ABI2: variants seen among roughly 807,000 people sequenced by gnomAD.
ABI2 encodes abl interactor 2.
ABI2 carries 25 observed loss-of-function variants against 59.2 expected under a neutral mutation model. The observed-to-expected ratio is 0.42, with a 90% CI of 0.31 to 0.59. The LOEUF (loss-of-function observed/expected upper bound fraction) is 0.59, where lower values mean the gene tolerates loss of function less well. Ranked by LOEUF, ABI2 falls within the 20% of genes least tolerant of loss-of-function variation. The pLI is 0.14. For synonymous variants in ABI2, 213 were observed against 235.5 expected, an observed-to-expected ratio of 0.90 and a Z score of 0.87; for missense variants, 545 against 681.8, an observed-to-expected ratio of 0.80 and a Z score of 2.23.
chr2:203,345,701 G>A (rs1389446460), intron 1 of ABI2, among the ~76,000 whole-genome samples: 1 of 151,558 alleles, frequency 6.6e-6, no homozygotes, highest in African/African-American at 2.4e-5. Flanking sequence ...GAGCCACCAC[G>A]CCCAGCCCTA....
At chr2:203,387,659 TAAC>T (rs1205343539) in intron 4 of ABI2, among the ~76,000 whole-genome samples, 2 of 152,212 alleles carry the variant, frequency 1.3e-5, no homozygotes, top group African/African-American at 2.4e-5. Flanking sequence ...AAAAAATACA[TAAC>T]AAAATTATGA....
At chr2:203,355,840 A>C (rs893087821) in intron 1 of ABI2, among the ~76,000 whole-genome samples, 6 of 151,160 alleles carry the variant, frequency 4.0e-5, no homozygotes, top group East Asian at 1.9e-4. Flanking sequence ...AAAAAAAAAA[A>C]AAAAAAAAAA....
intron 11 of ABI2, 141 bp downstream of exon 11, chr2:203,417,222 G>T: frequency 1.3e-6 from 1 of 758,246 alleles, no homozygotes; most frequent in Non-Finnish European, 1.9e-6. Flanking sequence ...AGTTTACAAG[G>T]TTCATGATTT....
At chr2:203,387,542 G>T (rs890759342) in intron 4 of ABI2, among the ~76,000 whole-genome samples, 3 of 152,076 alleles carry the variant, frequency 2.0e-5, no homozygotes, top group Non-Finnish European at 4.4e-5. Context: ...CTTCTGTTTT[G>T]GAGGTTTCTG....
chr2:203,340,216 G>A (rs2079045760), intron 1 of ABI2, among the ~76,000 whole-genome samples: 1 of 152,142 alleles, frequency 6.6e-6, no homozygotes, highest in African/African-American at 2.4e-5. Flanking sequence ...TTCTATTATC[G>A]GCCAAGGGCC....
At chr2:203,370,186 T>TTCTCTCTCTCTCTCTCTCTCTC (rs71007509) in intron 2 of ABI2, among the ~76,000 whole-genome samples, 8 of 136,680 alleles carry the variant, frequency 5.9e-5, no homozygotes, top group Admixed American at 3.7e-4. Flanking sequence ...CATTCTCCTA[T>TTCTCTCTCTCTCTCTCTCTCTC]TCTCTCTCTC....
At position 203,431,723 on chromosome 2, in the gene ABI2, C is replaced by T. The variant is rs1039247893; in HGVS notation, c.*4371C>T. 6.6e-5 allele frequency: 10 copies of T among 150,702 alleles called. No homozygotes were observed. The highest frequency in any genetic ancestry group is 3.9e-4 in the East Asian group (2 of 5,148). The allele number at this position is 150,702 out of a possible 1,614,324, so 9.3% of individuals were successfully genotyped here. ...AAAAAAAAAAACAATTAAAACGAAA[C>T]GGCGGGGCCTAGCTGTGTATAAATG... On this transcript the variant is annotated 3_prime_UTR_variant, in exon 12 of 12. Transcript: ENST00000261018.
intron 8 of ABI2, 94 bp downstream of exon 8, chr2:203,397,061 T>C: frequency 7.8e-7 from 1 of 1,276,554 alleles, no homozygotes; most frequent in Non-Finnish European, 9.9e-7. Context: ...GGTTTTGTTG[T>C]ACTTCGTATT....
intron 1 of ABI2, among the ~76,000 whole-genome samples, chr2:203,330,475 G>T (rs967085593): frequency 6.6e-6 from 1 of 151,972 alleles, no homozygotes; most frequent in South Asian, 2.1e-4. Context: ...TGTGTGAGGG[G>T]TGGATGGTAC....
At chr2:203,407,905 A>G (rs1175399652) in intron 9 of ABI2, among the ~76,000 whole-genome samples, 3 of 152,216 alleles carry the variant, frequency 2.0e-5, no homozygotes, top group Admixed American at 6.5e-5. Flanking sequence ...GAAAGACAGT[A>G]TATTCTGGCT....
chr2:203,338,928 G>A (rs111703384), intron 1 of ABI2, among the ~76,000 whole-genome samples: 821 of 4,228 alleles, frequency 0.19, 142 homozygotes, highest in Non-Finnish European at 0.3. Flanking sequence ...GTGTGTGTGT[G>A]TATATGTATA....
At chr2:203,351,144 T>G (rs2088053966) in intron 1 of ABI2, among the ~76,000 whole-genome samples, 1 of 152,194 alleles carries the variant, frequency 6.6e-6, no homozygotes, top group African/African-American at 2.4e-5. Flanking sequence ...GGCATCTTCG[T>G]CAAAAATTAC....
chr2:203,380,317 G>T lies in ABI2; in HGVS notation c.395G>T (p.Arg132Leu). ...HKIIAPANLE[R>L]PVRYIRKPID... ...ATTATTGCTCCAGCCAACCTTGAAC[G>T]ACCAGTTCGTTATATTAGAAAACCT... Residue 132 changes from arginine (R) to leucine (L), a missense_variant, in exon 3 of 12, where the codon CGA (arginine) becomes CTA (leucine). Coordinates refer to ENST00000261018, the MANE Select transcript of ABI2 (RefSeq NM_001375670.1). 6.2e-7 allele frequency: 1 copy of T among 1,607,444 alleles called. No individual in the cohort carries two copies. Among genetic ancestry groups the T allele is most frequent in the South Asian group, 1.1e-5 (1 of 89,490 alleles).
intron 3 of ABI2, among the ~76,000 whole-genome samples, chr2:203,381,090 G>C (rs991135749): frequency 1.3e-5 from 2 of 152,012 alleles, no homozygotes; most frequent in African/African-American, 4.8e-5. Flanking sequence ...TAATGATACT[G>C]TACAGTTCAT....
In ABI2 at chr2:203,383,073, A is replaced by AT. The variant is rs529010856; in HGVS notation, c.480+876dup. Among the ~76,000 whole-genome samples the AT allele has an allele frequency of 5.7e-4, 87 of 151,670 alleles. 1 individual carries two copies. The Middle Eastern group carries it at 0.01, about 18-fold the overall frequency. ...AAACTTAGCATGCATTTCTTCTTTG[A>AT]TTTTTTTTTGTAGGTGAGTTTTATA... On this transcript the variant is annotated intron_variant, in intron 4 of 11. Coordinates refer to ENST00000261018, the MANE Select transcript of ABI2 (RefSeq NM_001375670.1).
chr2:203,351,465 T>C lies in ABI2; in HGVS notation c.118-15412T>C, dbSNP rs147182547. 3 of 396,134 alleles carry C rather than the reference T, an allele frequency of 7.6e-6. No individual in the cohort carries two copies. In the East Asian group the frequency reaches 2.2e-4, roughly 30 times the overall value. The allele number at this position is 396,134 out of a possible 1,614,324, so 24.5% of individuals were successfully genotyped here. On this transcript the variant is annotated intron_variant, in intron 1 of 11. Coordinates refer to ENST00000261018, the MANE Select transcript of ABI2 (RefSeq NM_001375670.1). Reference sequence around the variant, plus strand: ...TAGTAACTTTTCTGATCCATGAACATGGATGTCTTTTCATTTACATCATCT... The same window carrying C: ...TAGTAACTTTTCTGATCCATGAACACGGATGTCTTTTCATTTACATCATCT...
At chr2:203,332,258 T>G (rs542431105) in intron 1 of ABI2, among the ~76,000 whole-genome samples, 2 of 152,342 alleles carry the variant, frequency 1.3e-5, no homozygotes, top group South Asian at 4.1e-4. Context: ...TTCTTGCCTA[T>G]ACAAAGGATT....
chr2:203,364,025 A>G (rs539587429), intron 1 of ABI2, among the ~76,000 whole-genome samples: 179 of 151,622 alleles, frequency 1.2e-3, no homozygotes, highest in African/African-American at 4.1e-3. Flanking sequence ...TGGCCTCCCA[A>G]AGTGCTGGAA....
At chr2:203,360,797 C>T (rs1029093788) in intron 1 of ABI2, among the ~76,000 whole-genome samples, 1 of 152,196 alleles carries the variant, frequency 6.6e-6, no homozygotes, top group African/African-American at 2.4e-5. Context: ...TTTCCAAGAT[C>T]AGGAAACTTC....
Sources: allele counts gnomAD v4.1 joint callset (sites outside exome capture counted in the v4.1 genomes callset), GRCh38; gene constraint gnomAD v4.1.1; transcripts MANE v1.5; gene names NCBI Gene and HGNC (gene_info 2026-07-23, HGNC 2026-07-21).